Variants in AMY2A observed in about 807,000 individuals in gnomAD.
The protein encoded by AMY2A is pancreatic alpha-amylase.
A neutral mutation model predicts 43.0 loss-of-function variants in AMY2A; 16 were observed. That is an observed-to-expected ratio of 0.37 (90% CI 0.25 to 0.56). The LOEUF is 0.56. Ranked by LOEUF, AMY2A falls within the 20% of genes least tolerant of loss-of-function variation. The pLI is 0.77. For missense variants in AMY2A, 212 were observed against 456.8 expected (o/e 0.46, Z 4.89); for synonymous variants, 70 against 144.6 (o/e 0.48, Z 3.70).
intron 2 of AMY2A, among the ~76,000 whole-genome samples, chr1:103,618,427 T>C (rs1028183292): frequency 6.6e-6 from 1 of 150,778 alleles, no homozygotes; most frequent in Admixed American, 6.6e-5. Context: ...TTTGCTATCA[T>C]TTTTAGGTGA....
chr1:103,617,822 G>C, intron 1 of AMY2A, 132 bp from the exon 2 acceptor site: 1 of 1,538,258 alleles, frequency 6.5e-7, no homozygotes, highest in Non-Finnish European at 8.8e-7. Context: ...CCAATGTGCT[G>C]TTAATATTTT....
At chr1:103,619,942 T>A (rs1285096571) in intron 4 of AMY2A, 158 bp downstream of exon 4, 1 of 1,403,346 alleles carries the variant, frequency 7.1e-7, no homozygotes, top group Admixed American at 2.3e-5. Context: ...GCATATCTAA[T>A]TCTTTATCAC....
intron 2 of AMY2A, among the ~76,000 whole-genome samples, chr1:103,618,605 C>T (rs79691979): frequency 0.022 from 3,387 of 150,640 alleles, 187 homozygotes; most frequent in African/African-American, 0.077. Flanking sequence ...AAACAATAAC[C>T]TTTCCACTCT....
At chr1:103,618,295 G>A (rs527758991) in intron 2 of AMY2A, among the ~76,000 whole-genome samples, 195 bp downstream of exon 2, 1 of 150,630 alleles carries the variant, frequency 6.6e-6, no homozygotes, top group Non-Finnish European at 1.5e-5. Flanking sequence ...CTACTAAAGA[G>A]GTAAGTTAAA....
upstream of AMY2A, chr1:103,617,113 G>T: frequency 1.1e-6 from 1 of 950,316 alleles, no homozygotes; most frequent in South Asian, 2.2e-5. Context: ...TGCCATTCTG[G>T]ATCTTTAAAG....
rs45498894 is a variant in AMY2A at position 103,618,955 on chromosome 1, C to T, written c.360C>T (p.Asn120=). ...CTGTAATTAATCATATGTGTGGTAA[C>T]GCTGTGAGTGCAGGAACAAGCAGTA... ...VDAVINHMCG[N]AVSAGTSSTC... is the part of the protein sequence containing the mutation. The change falls in exon 3 of 10, where the codon AAC becomes AAT. Residue 120 remains asparagine, a synonymous_variant. Transcript: ENST00000414303. 28,427 of 1,417,174 alleles carry T rather than the reference C, an allele frequency of 0.02. 257 individuals are homozygous for T. Among genetic ancestry groups the T allele is most frequent in the Middle Eastern group, 0.032 (125 of 3,894 alleles). 87.8% of individuals were successfully genotyped at this position (1,417,174 alleles called of 1,614,324 possible).
Position 103,624,079 on chromosome 1 carries a change from TG to T in AMY2A, c.1221-15del, listed in dbSNP as rs1296522223. On this transcript the variant is annotated splice_polypyrimidine_tract_variant and intron_variant, in intron 8 of 9. Coordinates refer to ENST00000414303, the MANE Select transcript of AMY2A (RefSeq NM_000699.4). ...AGTTTAAGAATATCAACGTTTTATA[TG>T]GTATTGTGTTTTTAGGAACATGGTT... 1 of 1,571,886 alleles carries T rather than the reference TG, an allele frequency of 6.4e-7. No homozygotes were observed. The highest frequency in any genetic ancestry group is 8.7e-7 in the Non-Finnish European group (1 of 1,154,658).
At chr1:103,618,145 G>A in intron 2 of AMY2A, 45 bp downstream of exon 2, 4 of 1,572,312 alleles carry the variant, frequency 2.5e-6, no homozygotes, top group Non-Finnish European at 3.5e-6. Flanking sequence ...ACAGGAAAAT[G>A]GTTTCTCTCT....
intron 3 of AMY2A, 26 bp from the exon 4 acceptor site, chr1:103,619,528 C>G: frequency 6.3e-7 from 1 of 1,588,688 alleles, no homozygotes; most frequent in Non-Finnish European, 8.6e-7. Flanking sequence ...TTTTATGAAT[C>G]AATCATAACA....
At chr1:103,618,474 G>A (rs1342242217) in intron 2 of AMY2A, among the ~76,000 whole-genome samples, 3 of 150,642 alleles carry the variant, frequency 2.0e-5, no homozygotes, top group Non-Finnish European at 4.5e-5. Context: ...GTTTTTCATG[G>A]TGAATAGCTA....
chr1:103,617,177 C>A (rs1029249704), upstream of AMY2A: 2 of 1,010,350 alleles, frequency 2.0e-6, no homozygotes, highest in Non-Finnish European at 2.8e-6. Flanking sequence ...TAGGCCCCAG[C>A]AACAGGTCAC....
rs375125297 is a variant in AMY2A, at chr1:103,617,956, C to G, written c.171C>G (p.Val57=). 5.4e-5 allele frequency: 86 copies of G among 1,600,428 alleles called. 8 individuals are homozygous for G. Among genetic ancestry groups the G allele is most frequent in the Non-Finnish European group, 7.2e-5 (84 of 1,170,688 alleles). ...LAPKGFGGVQ[V]SPPNENVAIY... ...TATGAAGACTGTTTAATTTGTAGGT[C>G]TCTCCACCAAATGAAAATGTTGCAA... The change falls in exon 2 of 10, where the codon GTC becomes GTG. Residue 57 remains valine, a splice_region_variant and synonymous_variant. Transcript: ENST00000414303.
upstream of AMY2A, chr1:103,617,034 G>A (rs1653094900): frequency 9.7e-7 from 1 of 1,025,958 alleles, no homozygotes; most frequent in Non-Finnish European, 1.2e-6. Context: ...CTTACCTTGA[G>A]TTGGAAGGGG....
intron 1 of AMY2A, 68 bp from the exon 2 acceptor site, chr1:103,617,886 T>C: frequency 1.3e-6 from 2 of 1,595,214 alleles, no homozygotes; most frequent in African/African-American, 1.3e-5. Flanking sequence ...TATTGATTAG[T>C]TTCTAGAACA....
intron 2 of AMY2A, 127 bp downstream of exon 2, chr1:103,618,227 A>G: frequency 7.2e-7 from 1 of 1,397,364 alleles, no homozygotes; most frequent in Non-Finnish European, 9.6e-7. Flanking sequence ...ATAATTTAAA[A>G]CTCAAAATTA....
chr1:103,617,673 TTA>T (rs1653116058), intron 1 of AMY2A, 65 bp downstream of exon 1: 16 of 1,599,056 alleles, frequency 1.0e-5, no homozygotes, highest in Middle Eastern at 2.3e-4. Context: ...TATTCTGATC[TTA>T]TCTGTGAAGC....
intron 2 of AMY2A, 148 bp from the exon 3 acceptor site, chr1:103,618,763 C>G (rs1164326753): frequency 6.8e-7 from 1 of 1,463,364 alleles, no homozygotes; most frequent in African/African-American, 1.4e-5. Context: ...TTTCCTTTCA[C>G]AGTTGATTTT....
chr1:103,616,709 T>C, upstream of AMY2A: 1 of 151,388 alleles, frequency 6.6e-6, no homozygotes. Flanking sequence ...TGTATTCAAG[T>C]TAACTGTTGC....
chr1:103,623,380 G>A (rs1024122119), intron 7 of AMY2A, among the ~76,000 whole-genome samples: 1 of 115,546 alleles, frequency 8.7e-6, no homozygotes, highest in Admixed American at 8.6e-5. Flanking sequence ...AGTGAGGCGA[G>A]GCGAGAAGAT....
Sources: gnomAD v4.1 joint callset for allele counts (sites outside exome capture counted in the v4.1 genomes callset) on GRCh38, gnomAD v4.1.1 for gene constraint, MANE v1.5 for transcripts, NCBI Gene and HGNC (gene_info 2026-07-23, HGNC 2026-07-21) for gene names.